The following KCNAB1 variants were observed in gnomAD, a reference collection of about 807,000 sequenced individuals.
KCNAB1 encodes potassium voltage-gated channel subfamily A regulatory beta subunit 1.
A neutral mutation model predicts 64.6 loss-of-function variants in KCNAB1; 35 were observed. That is an observed-to-expected ratio of 0.54 (90% CI 0.41 to 0.72). The LOEUF is 0.72. Among genes scored for constraint, KCNAB1 ranks in the 30% least tolerant of loss-of-function variants. The pLI is 0.00. For missense variants in KCNAB1, 401 were observed against 512.9 expected, an observed-to-expected ratio of 0.78 and a Z score of 2.11; for synonymous variants, 177 against 183.8, an observed-to-expected ratio of 0.96 and a Z score of 0.30.
At chr3:156,478,815 C>A (rs1417857650) in intron 8 of KCNAB1, among the ~76,000 whole-genome samples, 2 of 152,098 alleles carry the variant, frequency 1.3e-5, no homozygotes, top group African/African-American at 4.8e-5. Flanking sequence ...AACATATTGG[C>A]ATCATATATC....
Position 156,459,839 on chromosome 3 carries a change from T to A in KCNAB1, c.450T>A (p.Ile150=). ...TTTCCCCTTCCAGGGCTGAAGTGAT[T>A]CTGGGGAGCATCATCAAGAAGAAAG... is the stretch of plus-strand genomic sequence containing the variant. ...EVYAAGKAEV[I]LGSIIKKKGW... is the part of the protein sequence containing the mutation. The change falls in exon 5 of 14, where the codon ATT becomes ATA. Residue 150 remains isoleucine (I), a synonymous_variant. Coordinates refer to ENST00000490337, the MANE Select transcript of KCNAB1 (RefSeq NM_172160.3). The A allele has an allele frequency of 6.2e-7, 1 of 1,610,632 alleles. No individual in the cohort carries two copies. The highest frequency in any genetic ancestry group is 8.5e-7 in the Non-Finnish European group (1 of 1,177,188).
At chr3:156,381,234 T>A (rs186665771) in intron 1 of KCNAB1, among the ~76,000 whole-genome samples, 1 of 152,142 alleles carries the variant, frequency 6.6e-6, no homozygotes, top group East Asian at 1.9e-4. Context: ...TGCAGATAGG[T>A]GGTGATATCT....
At chr3:156,254,395 A>G (rs1717985199) in intron 1 of KCNAB1, among the ~76,000 whole-genome samples, 1 of 152,238 alleles carries the variant, frequency 6.6e-6, no homozygotes, top group African/African-American at 2.4e-5. Flanking sequence ...CTCTCACAGG[A>G]GCATTTTCCC....
intron 1 of KCNAB1, among the ~76,000 whole-genome samples, chr3:156,379,039 C>A (rs1333907541): frequency 6.6e-6 from 1 of 152,220 alleles, no homozygotes; most frequent in African/African-American, 2.4e-5. Flanking sequence ...GTGGGACTTA[C>A]AGCCAACCAG....
chr3:156,292,952 T>A (rs1720541459), intron 1 of KCNAB1, among the ~76,000 whole-genome samples: 1 of 152,250 alleles, frequency 6.6e-6, no homozygotes, highest in Non-Finnish European at 1.5e-5. Context: ...AATAGCCATA[T>A]TTAAGCCTAA....
chr3:156,237,743 T>C (rs1716932188), intron 1 of KCNAB1, among the ~76,000 whole-genome samples: 1 of 152,212 alleles, frequency 6.6e-6, no homozygotes, highest in South Asian at 2.1e-4. Context: ...CAAGGAGGCC[T>C]TTCCTGACCC....
chr3:156,376,499 A>T (rs944864713), intron 1 of KCNAB1, among the ~76,000 whole-genome samples: 4 of 152,248 alleles, frequency 2.6e-5, no homozygotes, highest in Admixed American at 2.0e-4. Flanking sequence ...CACATAGTGG[A>T]GTGAAAAAAA....
intron 1 of KCNAB1, chr3:156,273,483 G>A (rs1356756867): frequency 2.4e-5 from 10 of 414,352 alleles, no homozygotes; most frequent in Admixed American, 7.4e-5. Context: ...GTAGCTTTCC[G>A]CTGTGACAGC....
intron 8 of KCNAB1, among the ~76,000 whole-genome samples, chr3:156,485,543 G>T (rs1715143942): frequency 6.6e-6 from 1 of 151,340 alleles, no homozygotes; most frequent in Non-Finnish European, 1.5e-5. Flanking sequence ...CTTTTTTGGG[G>T]GGGGCATGAA....
chr3:156,232,382 T>C (rs1336390316), intron 1 of KCNAB1, among the ~76,000 whole-genome samples: 1 of 152,260 alleles, frequency 6.6e-6, no homozygotes, highest in Non-Finnish European at 1.5e-5. Flanking sequence ...CTTACACTTC[T>C]GTTTTGGATT....
chr3:156,249,277 C>T (rs1357348684), intron 1 of KCNAB1, among the ~76,000 whole-genome samples: 1 of 152,004 alleles, frequency 6.6e-6, no homozygotes, highest in Admixed American at 6.6e-5. Flanking sequence ...CAAGAGTAAA[C>T]ACAGGCTGGG....
At chr3:156,405,421 C>CT (rs1438425544) in intron 1 of KCNAB1, among the ~76,000 whole-genome samples, 1 of 152,198 alleles carries the variant, frequency 6.6e-6, no homozygotes, top group Non-Finnish European at 1.5e-5. Flanking sequence ...CCTGCCCTGT[C>CT]TCATCCCATT....
rs577265355 is a variant in KCNAB1, at chr3:156,437,222, T to C, written c.319+15563T>C. 9.8e-5 allele frequency among the ~76,000 whole-genome samples: 15 copies of C among 152,306 alleles called. No individual in the cohort carries two copies. In the East Asian group the frequency reaches 2.1e-3, roughly 22 times the overall value. ...CTGTGTTGCTCTTCCAATTGACCCA[T>C]TGGAACCACATGAAAACAGTGGATT... On this transcript the variant is annotated intron_variant, in intron 2 of 13. Transcript: ENST00000490337.
At chr3:156,503,343 G>C (rs1716580455) in intron 8 of KCNAB1, among the ~76,000 whole-genome samples, 1 of 152,232 alleles carries the variant, frequency 6.6e-6, no homozygotes, top group Admixed American at 6.5e-5. Context: ...AATGAGGATA[G>C]AGTAGAAAGC....
intron 1 of KCNAB1, among the ~76,000 whole-genome samples, chr3:156,233,975 A>G (rs1411494274): frequency 6.6e-6 from 1 of 151,930 alleles, no homozygotes; most frequent in Non-Finnish European, 1.5e-5. Flanking sequence ...GAGACATCAC[A>G]TAAGCTGTTG....
intron 8 of KCNAB1, among the ~76,000 whole-genome samples, chr3:156,484,022 C>T (rs1008162664): frequency 2.0e-5 from 3 of 152,138 alleles, no homozygotes; most frequent in African/African-American, 7.2e-5. Context: ...GTTGTATTTT[C>T]CGCTTTCTTT....
chr3:156,154,383 C>T lies in KCNAB1; in HGVS notation c.275+33497C>T, dbSNP rs148784227. Among the ~76,000 whole-genome samples, 25 of 152,248 alleles carry T rather than the reference C, an allele frequency of 1.6e-4. No homozygotes were observed. In the East Asian group the frequency reaches 3.5e-3, roughly 21 times the overall value. On this transcript the variant is annotated intron_variant, in intron 1 of 13. Transcript: ENST00000490337. ...TTTAAGTTTACTCTTTTCCTCATTTCGCCTTTCCATCTTATTACAGGAGGG... is the reference window on the plus strand; with the variant it reads ...TTTAAGTTTACTCTTTTCCTCATTTTGCCTTTCCATCTTATTACAGGAGGG...
intron 1 of KCNAB1, chr3:156,273,576 C>T (rs1395671697): frequency 6.6e-6 from 3 of 456,628 alleles, no homozygotes; most frequent in East Asian, 6.9e-5. Context: ...CCATGCCATG[C>T]AGCTGCTGCT....
chr3:156,144,739 AT>A (rs1005203226), intron 1 of KCNAB1, among the ~76,000 whole-genome samples: 3 of 152,140 alleles, frequency 2.0e-5, no homozygotes, highest in African/African-American at 7.2e-5. Flanking sequence ...AAGATGGACC[AT>A]TTCACTTTTA....
Sources: gnomAD v4.1 joint callset for allele counts (sites outside exome capture counted in the v4.1 genomes callset) on GRCh38, gnomAD v4.1.1 for gene constraint, MANE v1.5 for transcripts, NCBI Gene and HGNC (gene_info 2026-07-23, HGNC 2026-07-21) for gene names.